GPHN: variants seen among roughly 807,000 people sequenced by gnomAD.
The protein encoded by GPHN is gephyrin.
A neutral mutation model predicts 95.5 loss-of-function variants in GPHN; 17 were observed. The ratio of observed to expected loss-of-function variants is 0.18; its 90% CI spans 0.12 to 0.27. The LOEUF (loss-of-function observed/expected upper bound fraction) is 0.27. Ranked by LOEUF, GPHN falls within the 10% of genes least tolerant of loss-of-function variation. The probability of loss-of-function intolerance (pLI) is 1.00; values close to 1 mark genes in which losing one functional copy is unlikely to be tolerated. For synonymous variants in GPHN, 320 were observed against 322.5 expected (o/e 0.99, Z 0.08); for missense variants, 660 against 978.1 (o/e 0.67, Z 4.34).
chr14:66,527,263 G>A (rs1280242176), intron 1 of GPHN, among the ~76,000 whole-genome samples: 1 of 152,036 alleles, frequency 6.6e-6, no homozygotes, highest in Non-Finnish European at 1.5e-5. Flanking sequence ...TTGCATAGAG[G>A]CGTTTATAGT....
the GPHN span, among the ~76,000 whole-genome samples, chr14:67,401,914 T>C: frequency 6.6e-6 from 1 of 152,118 alleles, no homozygotes; most frequent in African/African-American, 2.4e-5. Flanking sequence ...ACCCAACTCC[T>C]GAGGTCAGGA....
intron 1 of GPHN, among the ~76,000 whole-genome samples, chr14:66,521,077 A>C (rs1383561151): frequency 1.3e-5 from 2 of 152,134 alleles, no homozygotes; most frequent in Non-Finnish European, 2.9e-5. Context: ...GTATGTATAC[A>C]AACCACATTT....
chr14:67,659,822 T>C, the GPHN span: 4 of 1,614,174 alleles, frequency 2.5e-6, no homozygotes, highest in Non-Finnish European at 2.5e-6. Context: ...CACCTCCCGA[T>C]GGAGTTTAGC....
At chr14:67,262,649 T>C in the GPHN span, among the ~76,000 whole-genome samples, 16 of 152,324 alleles carry the variant, frequency 1.1e-4, no homozygotes, top group South Asian at 3.3e-3. Flanking sequence ...ATAGAGTAGA[T>C]TTAGCTTTCA....
Position 67,110,088 on chromosome 14 carries a change from T to C in GPHN, c.1294-52T>C, listed in dbSNP as rs1383802190. The C allele has an allele frequency of 9.0e-6, 14 of 1,561,220 alleles. No individual in the cohort carries two copies. In the East Asian group the frequency reaches 2.9e-4, roughly 33 times the overall value. ...AAAAATTAACATCCTCTGCAGACTT[T>C]TCCTTTGCAGCAGCAAAGTACATCA... On this transcript the variant is annotated intron_variant, in intron 13 of 22. Transcript: ENST00000478722.
intron 18 of GPHN, among the ~76,000 whole-genome samples, chr14:67,151,402 A>G (rs1248795763): frequency 2.0e-5 from 3 of 152,224 alleles, no homozygotes; most frequent in African/African-American, 7.2e-5. Flanking sequence ...TCTTAACCAA[A>G]CAAAATAGAT....
chr14:66,628,067 A>G (rs568341301), intron 1 of GPHN, among the ~76,000 whole-genome samples: 1 of 152,308 alleles, frequency 6.6e-6, no homozygotes, highest in East Asian at 1.9e-4. Flanking sequence ...CCTGTTGTCT[A>G]GGTGATAACA....
At chr14:66,658,811 C>T (rs2065457999) in intron 1 of GPHN, among the ~76,000 whole-genome samples, 2 of 151,554 alleles carry the variant, frequency 1.3e-5, no homozygotes, top group Admixed American at 6.6e-5. Flanking sequence ...TAGTACTGAA[C>T]ATGCAGTACC....
intron 9 of GPHN, among the ~76,000 whole-genome samples, chr14:67,002,079 A>G (rs923713343): frequency 3.3e-5 from 5 of 151,614 alleles, no homozygotes; most frequent in Admixed American, 2.6e-4. Context: ...CACAGGAAGT[A>G]ATATGTGTAG....
chr14:66,817,152 G>A (rs1003193385), intron 3 of GPHN, among the ~76,000 whole-genome samples: 47 of 151,732 alleles, frequency 3.1e-4, no homozygotes, highest in African/African-American at 1.1e-3. Flanking sequence ...TTATTAATTT[G>A]TTCATATCTC....
the GPHN span, among the ~76,000 whole-genome samples, chr14:67,668,073 GA>G: frequency 2.6e-5 from 4 of 152,126 alleles, no homozygotes; most frequent in Admixed American, 2.6e-4. Flanking sequence ...TTCTGGCTCT[GA>G]AAATAATAGG....
At chr14:66,558,574 T>G (rs377767229) in intron 1 of GPHN, among the ~76,000 whole-genome samples, 2 of 152,302 alleles carry the variant, frequency 1.3e-5, no homozygotes, top group Admixed American at 6.5e-5. Context: ...AGTCTTGATA[T>G]GTAATCCTAC....
rs146962197 is a variant in GPHN at position 66,957,801 on chromosome 14, G to A, written c.829-7390G>A. Among the ~76,000 whole-genome samples, 39 of 152,286 alleles carry A rather than the reference G, an allele frequency of 2.6e-4. No homozygotes were observed. In the East Asian group the frequency reaches 7.3e-3, roughly 29 times the overall value. ...TTAGGAAGCGGTCCGCACAGTGGGA[G>A]GTGAGCAGCAGCGGGCAAGCAAGCA... On this transcript the variant is annotated intron_variant, in intron 8 of 22. Coordinates refer to ENST00000478722, the MANE Select transcript of GPHN (RefSeq NM_020806.5).
chr14:67,473,233 C>T, the GPHN span: 1 of 735,368 alleles, frequency 1.4e-6, no homozygotes, highest in Non-Finnish European at 2.2e-6. This position sits in a 1 kb window ranked among gnomAD's most constrained non-coding sequence, Gnocchi z 6.5. Context: ...CACACCCCAT[C>T]CCCCAACACC....
At chr14:66,532,479 G>C (rs2058982540) in intron 1 of GPHN, among the ~76,000 whole-genome samples, 1 of 152,184 alleles carries the variant, frequency 6.6e-6, no homozygotes, top group African/African-American at 2.4e-5. Context: ...CCATTATTCT[G>C]TTGGTCAAAT....
chr14:66,862,203 A>G (rs942956364), intron 4 of GPHN, among the ~76,000 whole-genome samples: 3 of 152,118 alleles, frequency 2.0e-5, no homozygotes, highest in African/African-American at 4.8e-5. Flanking sequence ...AGTGGCTACT[A>G]TGAGCAACTA....
At chr14:67,071,782 TA>T (rs1052849563) in intron 11 of GPHN, among the ~76,000 whole-genome samples, 2 of 151,334 alleles carry the variant, frequency 1.3e-5, no homozygotes, top group Admixed American at 1.3e-4. Context: ...TATTCACTCT[TA>T]AAAAAAATAA....
chr14:66,791,399 T>C (rs1450918951), intron 3 of GPHN, among the ~76,000 whole-genome samples: 1 of 152,188 alleles, frequency 6.6e-6, no homozygotes, highest in Non-Finnish European at 1.5e-5. Flanking sequence ...GTTTATTAGA[T>C]AAATAAATAA....
the GPHN span, chr14:67,382,523 G>A: frequency 9.9e-6 from 16 of 1,613,946 alleles, no homozygotes; most frequent in East Asian, 3.3e-4. Context: ...TCTGTCCTCA[G>A]TCAAGCTATG....
Sources: gnomAD v4.1 joint callset for allele counts (sites outside exome capture counted in the v4.1 genomes callset) on GRCh38, gnomAD v4.1.1 for gene constraint, Gnocchi (gnomAD v3.1) non-coding constraint, MANE v1.5 for transcripts, NCBI Gene and HGNC (gene_info 2026-07-23, HGNC 2026-07-21) for gene names.